Variants in UBE2E2 observed in about 807,000 individuals in gnomAD.
The protein encoded by UBE2E2 is ubiquitin-conjugating enzyme E2 E2.
Under a neutral mutation model 24.7 loss-of-function variants are expected in UBE2E2, and 6 were observed. The observed-to-expected ratio is 0.24, with a 90% confidence interval of 0.13 to 0.48. The LOEUF is 0.48. UBE2E2 is among the 20% of genes least tolerant of loss of function. The pLI is 0.99. For missense variants in UBE2E2, 169 were observed against 245.0 expected (o/e 0.69, Z 2.07); for synonymous variants, 104 against 83.6 (o/e 1.24, Z -1.33).
At chr3:23,531,325 T>G (rs1695118315) in intron 4 of UBE2E2, among the ~76,000 whole-genome samples, 1 of 152,212 alleles carries the variant, frequency 6.6e-6, no homozygotes, top group African/African-American at 2.4e-5. Flanking sequence ...CCTGAGATTT[T>G]TGTATATTTC....
chr3:23,532,429 A>G lies in UBE2E2; in HGVS notation c.361-125A>G, dbSNP rs771051044. On this transcript the variant is annotated intron_variant, in intron 4 of 5. Coordinates refer to ENST00000396703, the MANE Select transcript of UBE2E2 (RefSeq NM_152653.4). ...TGTGCCCAAGAAAAAAATCAAGTGTATGTTAACCAATAGCCTGGGCTATTT... is the reference window on the plus strand; with the variant it reads ...TGTGCCCAAGAAAAAAATCAAGTGTGTGTTAACCAATAGCCTGGGCTATTT... The G allele has an allele frequency of 3.6e-5, 27 of 754,504 alleles. 1 individual carries two copies. The South Asian group carries it at 1.2e-3, about 33-fold the overall frequency. The allele number at this position is 754,504 out of a possible 1,614,324, so 46.7% of individuals were successfully genotyped here. A position where few individuals can be genotyped will look rare whatever the true frequency, so the allele number is the denominator to read the frequency against.
intron 3 of UBE2E2, among the ~76,000 whole-genome samples, chr3:23,372,632 A>G (rs539770787): frequency 6.6e-6 from 1 of 152,338 alleles, no homozygotes; most frequent in African/African-American, 2.4e-5. Flanking sequence ...TAAGCATACA[A>G]TAGAAGCACA....
At chr3:23,489,149 A>T (rs1016540378) in intron 3 of UBE2E2, among the ~76,000 whole-genome samples, 2 of 152,198 alleles carry the variant, frequency 1.3e-5, no homozygotes, top group East Asian at 3.8e-4. Context: ...TTCATAGAAG[A>T]CAGTTTTTCA....
At chr3:23,299,277 A>C (rs6550752) in intron 3 of UBE2E2, among the ~76,000 whole-genome samples, 2 of 152,042 alleles carry the variant, frequency 1.3e-5, no homozygotes, top group African/African-American at 2.4e-5. Context: ...TTGTGTCTCT[A>C]TTTCCTTCAG....
chr3:23,317,744 A>G (rs747931243), intron 3 of UBE2E2, among the ~76,000 whole-genome samples: 3 of 151,914 alleles, frequency 2.0e-5, no homozygotes, highest in Non-Finnish European at 2.9e-5. Flanking sequence ...CCATGACTCA[A>G]TTACCTCCTA....
intron 4 of UBE2E2, among the ~76,000 whole-genome samples, chr3:23,518,202 G>A (rs907937712): frequency 6.6e-6 from 1 of 152,098 alleles, no homozygotes; most frequent in African/African-American, 2.4e-5. Context: ...TACTCTAGAA[G>A]GTGGAAGTAG....
chr3:23,533,048 G>A (rs933836533), intron 5 of UBE2E2, among the ~76,000 whole-genome samples: 5 of 152,186 alleles, frequency 3.3e-5, no homozygotes, highest in African/African-American at 1.2e-4. Context: ...CCTACTAGAA[G>A]ATGTTAATTT....
chr3:23,537,468 G>A (rs1262145717), intron 5 of UBE2E2, among the ~76,000 whole-genome samples: 2 of 152,130 alleles, frequency 1.3e-5, no homozygotes, highest in East Asian at 3.8e-4. Context: ...AGCTAAGAAT[G>A]GCCACTAATT....
chr3:23,556,797 A>T (rs1695800101), intron 5 of UBE2E2, among the ~76,000 whole-genome samples: 1 of 152,210 alleles, frequency 6.6e-6, no homozygotes, highest in African/African-American at 2.4e-5. Flanking sequence ...AATAATCTAT[A>T]TAATTTTAAA....
chr3:23,480,486 T>C (rs1575657693), intron 3 of UBE2E2, among the ~76,000 whole-genome samples: 1 of 152,012 alleles, frequency 6.6e-6, no homozygotes, highest in Admixed American at 6.5e-5. Flanking sequence ...TAGTAGAGGG[T>C]GGGGCTCCCG....
chr3:23,487,030 A>G (rs1559399356), intron 3 of UBE2E2, among the ~76,000 whole-genome samples: 1 of 152,096 alleles, frequency 6.6e-6, no homozygotes, highest in Non-Finnish European at 1.5e-5. Flanking sequence ...CAGGCTGTCT[A>G]TGCTGAGGGG....
intron 3 of UBE2E2, among the ~76,000 whole-genome samples, chr3:23,473,451 AG>A (rs1299249386): frequency 2.0e-5 from 3 of 150,462 alleles, no homozygotes; most frequent in Non-Finnish European, 3.0e-5. Flanking sequence ...GTATTTCCAT[AG>A]GTTTTTGGGG....
At chr3:23,328,006 C>A (rs1694949834) in intron 3 of UBE2E2, among the ~76,000 whole-genome samples, 1 of 152,048 alleles carries the variant, frequency 6.6e-6, no homozygotes, top group African/African-American at 2.4e-5. Flanking sequence ...ATATTATATG[C>A]AGTATACAAT....
At chr3:23,354,920 A>G (rs1009140915) in intron 3 of UBE2E2, among the ~76,000 whole-genome samples, 3 of 152,160 alleles carry the variant, frequency 2.0e-5, no homozygotes, top group Non-Finnish European at 4.4e-5. Context: ...CTATAAAGAC[A>G]CATGCACACG....
chr3:23,569,156 G>A (rs1696163504), intron 5 of UBE2E2, among the ~76,000 whole-genome samples: 1 of 152,132 alleles, frequency 6.6e-6, no homozygotes, highest in Admixed American at 6.6e-5. Context: ...TAATAAAAAG[G>A]AATGAAGTAT....
At chr3:23,324,512 T>A (rs1179745697) in intron 3 of UBE2E2, among the ~76,000 whole-genome samples, 1 of 152,138 alleles carries the variant, frequency 6.6e-6, no homozygotes, top group Admixed American at 6.6e-5. Flanking sequence ...CTGTAGACCA[T>A]TTCCCTGTTT....
At chr3:23,396,317 A>ATG (rs1185535128) in intron 3 of UBE2E2, among the ~76,000 whole-genome samples, 1 of 115,792 alleles carries the variant, frequency 8.6e-6, no homozygotes, top group African/African-American at 3.4e-5. Flanking sequence ...ATATATATAT[A>ATG]TGTATATATA....
rs560381607 is a variant in UBE2E2, at chr3:23,260,995, T to G, written c.227+43683T>G. Among the ~76,000 whole-genome samples the G allele has an allele frequency of 3.3e-5, 5 of 152,176 alleles. No homozygotes were observed. In the South Asian group the frequency reaches 8.3e-4, roughly 25 times the overall value. On this transcript the variant is annotated intron_variant, in intron 3 of 5. Coordinates refer to ENST00000396703, the MANE Select transcript of UBE2E2 (RefSeq NM_152653.4). ...GCATGTGCCTGTAGTCTCAGCTACC[T>G]GGGAAGCTGATGTGGGAGGATCTCT...
At chr3:23,245,186 G>C (rs991056625) in intron 3 of UBE2E2, among the ~76,000 whole-genome samples, 2 of 152,076 alleles carry the variant, frequency 1.3e-5, no homozygotes, top group Non-Finnish European at 2.9e-5. Context: ...AAAAATGGGA[G>C]GGTCATAGGA....
Sources: gnomAD v4.1 joint callset for allele counts (sites outside exome capture counted in the v4.1 genomes callset) on GRCh38, gnomAD v4.1.1 for gene constraint, MANE v1.5 for transcripts, NCBI Gene and HGNC (gene_info 2026-07-23, HGNC 2026-07-21) for gene names.